Variants in SLC9A9 observed in about 807,000 individuals in gnomAD.
The protein encoded by SLC9A9 is solute carrier family 9 member A9, also known as sodium/hydrogen exchanger 9.
Under a neutral mutation model 77.8 loss-of-function variants are expected in SLC9A9, and 62 were observed. That is an observed-to-expected ratio of 0.80 (90% CI 0.65 to 0.98). SLC9A9 has a LOEUF of 0.98. SLC9A9 is among the 50% of genes least tolerant of loss of function. The pLI is 0.00. For missense variants in SLC9A9, 775 were observed against 774.9 expected, an observed-to-expected ratio of 1.00 and a Z score of 0.00; for synonymous variants, 320 against 283.5, an observed-to-expected ratio of 1.13 and a Z score of -1.29.
At chr3:143,477,926 C>T (rs565323715) in intron 11 of SLC9A9, among the ~76,000 whole-genome samples, 1 of 152,174 alleles carries the variant, frequency 6.6e-6, no homozygotes, top group Non-Finnish European at 1.5e-5. Flanking sequence ...AGGGTCAATC[C>T]CAGGCAATGT....
intron 14 of SLC9A9, among the ~76,000 whole-genome samples, chr3:143,362,837 C>T (rs1214028948): frequency 2.0e-5 from 3 of 152,200 alleles, no homozygotes; most frequent in South Asian, 2.1e-4. Context: ...CTTAGCCCCA[C>T]GAATCACATG....
chr3:143,322,085 C>G (rs1234668397), intron 14 of SLC9A9, among the ~76,000 whole-genome samples: 1 of 152,208 alleles, frequency 6.6e-6, no homozygotes, highest in Non-Finnish European at 1.5e-5. Context: ...CTTTTGGTTG[C>G]TCTCATCTCT....
At chr3:143,700,886 A>C (rs911729392) in intron 4 of SLC9A9, among the ~76,000 whole-genome samples, 1 of 152,218 alleles carries the variant, frequency 6.6e-6, no homozygotes, top group Non-Finnish European at 1.5e-5. Context: ...CTAACTTAGC[A>C]CAGTTCCATT....
chr3:143,812,977 AC>A (rs1235766044), intron 2 of SLC9A9, among the ~76,000 whole-genome samples: 1 of 152,200 alleles, frequency 6.6e-6, no homozygotes, highest in Admixed American at 6.5e-5. Context: ...TGAAATATTT[AC>A]CTGTGTATAG....
At chr3:143,345,893 GACA>G (rs2032257176) in intron 14 of SLC9A9, among the ~76,000 whole-genome samples, 1 of 100,316 alleles carries the variant, frequency 1.0e-5, no homozygotes, top group African/African-American at 3.5e-5. Context: ...AGAAAGGACA[GACA>G]TTAGTGAACT....
At chr3:143,737,951 C>T (rs1328405317) in intron 4 of SLC9A9, among the ~76,000 whole-genome samples, 1 of 152,176 alleles carries the variant, frequency 6.6e-6, no homozygotes, top group East Asian at 1.9e-4. Flanking sequence ...CTCATTTAAT[C>T]CCTATAAAAA....
At chr3:143,369,685 A>G (rs2032999107) in intron 13 of SLC9A9, among the ~76,000 whole-genome samples, 1 of 152,176 alleles carries the variant, frequency 6.6e-6, no homozygotes, top group Admixed American at 6.5e-5. Flanking sequence ...GAAAAAAAAG[A>G]TGGGGCCTAA....
At chr3:143,507,706 G>GT (rs2036045304) in intron 9 of SLC9A9, among the ~76,000 whole-genome samples, 1 of 152,188 alleles carries the variant, frequency 6.6e-6, no homozygotes, top group Non-Finnish European at 1.5e-5. Flanking sequence ...AAGAATACAT[G>GT]TCTTAGTTCT....
chr3:143,373,859 G>A (rs2033113926), intron 13 of SLC9A9, among the ~76,000 whole-genome samples: 1 of 151,966 alleles, frequency 6.6e-6, no homozygotes, highest in Non-Finnish European at 1.5e-5. Context: ...AAGATTGGAG[G>A]GCTAGAAAGA....
At chr3:143,618,279 T>C (rs2108708356) in intron 6 of SLC9A9, among the ~76,000 whole-genome samples, 1 of 152,328 alleles carries the variant, frequency 6.6e-6, no homozygotes, top group Admixed American at 6.5e-5. Context: ...GAGAGTTTTA[T>C]ATTAAATACA....
At chr3:143,695,253 G>A (rs1031418966) in intron 4 of SLC9A9, among the ~76,000 whole-genome samples, 8 of 152,182 alleles carry the variant, frequency 5.3e-5, no homozygotes, top group Middle Eastern at 3.4e-3. Flanking sequence ...TGTTACATAA[G>A]TATATACATG....
intron 5 of SLC9A9, among the ~76,000 whole-genome samples, chr3:143,655,798 T>A (rs1025494258): frequency 2.0e-5 from 3 of 151,478 alleles, no homozygotes; most frequent in African/African-American, 7.3e-5. Flanking sequence ...TCTGAGAAAA[T>A]AATTTCAGCC....
intron 9 of SLC9A9, among the ~76,000 whole-genome samples, chr3:143,507,112 T>A (rs1448480972): frequency 6.6e-6 from 1 of 151,782 alleles, no homozygotes; most frequent in African/African-American, 2.4e-5. Flanking sequence ...AATTTTAGGT[T>A]CATAGCAAAA....
At chr3:143,593,615 A>G (rs566216760) in intron 6 of SLC9A9, among the ~76,000 whole-genome samples, 5 of 152,330 alleles carry the variant, frequency 3.3e-5, no homozygotes, top group African/African-American at 1.2e-4. Context: ...CATAAATAAA[A>G]TAAAGGACTG....
At chr3:143,638,542 C>G (rs2038565542) in intron 6 of SLC9A9, among the ~76,000 whole-genome samples, 1 of 152,164 alleles carries the variant, frequency 6.6e-6, no homozygotes, top group Admixed American at 6.5e-5. Flanking sequence ...CTTTTTCCTT[C>G]AATACTGCCT....
intron 14 of SLC9A9, among the ~76,000 whole-genome samples, chr3:143,361,517 G>A (rs2032751871): frequency 3.3e-5 from 5 of 152,164 alleles, no homozygotes; most frequent in African/African-American, 9.7e-5. Flanking sequence ...TATATTAAGA[G>A]GCCACATAGT....
At chr3:143,573,102 A>G (rs2108657228) in intron 8 of SLC9A9, among the ~76,000 whole-genome samples, 1 of 152,296 alleles carries the variant, frequency 6.6e-6, no homozygotes, top group South Asian at 2.1e-4. Flanking sequence ...CTTTCTATCG[A>G]TTAATGAAAT....
At chr3:143,317,614 T>C (rs1210266029) in intron 14 of SLC9A9, among the ~76,000 whole-genome samples, 2 of 152,200 alleles carry the variant, frequency 1.3e-5, no homozygotes, top group African/African-American at 2.4e-5. Context: ...ACCTGTTTTC[T>C]TTCTTTTAAA....
intron 14 of SLC9A9, among the ~76,000 whole-genome samples, chr3:143,322,919 AAAAC>A: frequency 6.6e-6 from 1 of 152,210 alleles, no homozygotes; most frequent in African/African-American, 2.4e-5. Context: ...TTTCTCCAAA[AAAAC>A]AAAACAAAAC....
Sources: gnomAD v4.1 joint callset for allele counts (sites outside exome capture counted in the v4.1 genomes callset) on GRCh38, gnomAD v4.1.1 for gene constraint, MANE v1.5 for transcripts, NCBI Gene and HGNC (gene_info 2026-07-23, HGNC 2026-07-21) for gene names.